Variants in IMMT observed in about 807,000 individuals in gnomAD.
IMMT encodes inner membrane mitochondrial protein, also known as MICOS complex subunit MIC60.
IMMT carries 40 observed loss-of-function variants against 92.7 expected under a neutral mutation model. That is an observed-to-expected ratio of 0.43 (90% CI 0.34 to 0.56). The LOEUF (loss-of-function observed/expected upper bound fraction) is 0.56. Ranked by LOEUF, IMMT falls within the 20% of genes least tolerant of loss-of-function variation. The pLI is 0.03. For synonymous variants in IMMT, 322 were observed against 336.1 expected (o/e 0.96, Z 0.46); for missense variants, 831 against 912.1 (o/e 0.91, Z 1.14).
intron 14 of IMMT, 47 bp from the exon 15 acceptor site, chr2:86,144,928 C>A (rs1340757278): frequency 6.5e-7 from 1 of 1,540,794 alleles, no homozygotes; most frequent in Non-Finnish European, 8.7e-7. Context: ...CTCCATCTGA[C>A]AACATACATC....
chr2:86,179,137 T>C (rs1230705034), intron 3 of IMMT, among the ~76,000 whole-genome samples: 1 of 152,214 alleles, frequency 6.6e-6, no homozygotes, highest in African/African-American at 2.4e-5. Flanking sequence ...TTCTTTCTTG[T>C]CATCATTCCC....
chr2:86,185,116 C>T (rs1286049808), intron 1 of IMMT, among the ~76,000 whole-genome samples: 1 of 151,632 alleles, frequency 6.6e-6, no homozygotes, highest in Non-Finnish European at 1.5e-5. Flanking sequence ...GGAGGCAGAG[C>T]TTGCAGTGAG....
chr2:86,145,494 CAAAAAAAAA>C (rs10554362), intron 14 of IMMT, among the ~76,000 whole-genome samples: 7 of 76,304 alleles, frequency 9.2e-5, no homozygotes, highest in African/African-American at 3.7e-4. Context: ...GACTCTGTCT[CAAAAAAAAA>C]AAAAAAAAAA....
rs780406193 is a variant in IMMT at position 86,144,492 on chromosome 2, T to A, written c.2053A>T (p.Ile685Leu). 8 of 1,614,020 alleles carry A rather than the reference T, an allele frequency of 5.0e-6. No individual in the cohort carries two copies. The highest frequency in any genetic ancestry group is 5.9e-6 in the Non-Finnish European group (7 of 1,179,902). The stretch of plus-strand genomic sequence containing the variant: ...TATGACAGTAATTTAAATGTGTTTA[T>A]ATCCTCAGGGCAGAGCTCTGGGGGC... ...KPPPELCPED[I>L]NTFKLLSYAS... Residue 685 changes from isoleucine to leucine, a missense_variant, in exon 15 of 15, where the codon ATA becomes TTA. Physicochemically the swap from Ile to Leu is conservative, Grantham distance 5. Coordinates refer to ENST00000410111, the MANE Select transcript of IMMT (RefSeq NM_006839.3).
At chr2:86,154,690 C>T (rs1675724569) in intron 10 of IMMT, among the ~76,000 whole-genome samples, 1 of 152,130 alleles carries the variant, frequency 6.6e-6, no homozygotes, top group Non-Finnish European at 1.5e-5. Flanking sequence ...TAAAGAACTA[C>T]AATGGCCTGA....
chr2:86,186,933 G>C (rs116813446), intron 1 of IMMT, among the ~76,000 whole-genome samples: 1 of 152,106 alleles, frequency 6.6e-6, no homozygotes, highest in East Asian at 1.9e-4. Flanking sequence ...TTGGGCCAAT[G>C]GAAGCCTCTG....
Position 86,146,195 on chromosome 2 carries a change from G to A in IMMT, c.1536C>T (p.Asn512=), listed in dbSNP as rs1371546835. ...CTTGTTCAGAGAGTTTCTCAGACAGGTTCTGAAATAAAACAGAAATAGTTC... is the reference window on the plus strand; with the variant it reads ...CTTGTTCAGAGAGTTTCTCAGACAGATTCTGAAATAAAACAGAAATAGTTC... The part of the protein sequence containing the change: ...EQELKSEFEQ[N]LSEKLSEQEL... The change falls in exon 14 of 15, where the codon AAC becomes AAT. Residue 512 remains asparagine, a splice_region_variant and synonymous_variant. Coordinates refer to ENST00000410111, the MANE Select transcript of IMMT (RefSeq NM_006839.3). 6.2e-7 allele frequency: 1 copy of A among 1,602,094 alleles called. No individual in the cohort carries two copies. The highest frequency in any genetic ancestry group is 2.2e-5 in the East Asian group (1 of 44,610).
rs199807976 is a variant in IMMT at position 86,179,551 on chromosome 2, T to C, written c.191A>G (p.Tyr64Cys). The C allele has an allele frequency of 1.2e-6, 2 of 1,613,050 alleles. No homozygotes were observed. Among genetic ancestry groups the C allele is most frequent in the Non-Finnish European group, 1.7e-6 (2 of 1,179,518 alleles). The change falls in exon 3 of 15, where the codon TAT becomes TGT. Residue 64 changes from tyrosine to cysteine, a missense_variant. Tyr to Cys is a radical substitution (Grantham distance 194). Coordinates refer to ENST00000410111, the MANE Select transcript of IMMT (RefSeq NM_006839.3). ...CCGGAAATGGGAATCCCATTTGGCA[T>C]ATAGGATAGTGCCACCAATACCTCC... The part of the protein sequence containing the change: ...VGGGIGGTIL[Y>C]AKWDSHFRES...
intron 11 of IMMT, 53 bp from the exon 12 acceptor site, chr2:86,151,573 A>C: frequency 3.0e-5 from 39 of 1,279,548 alleles, no homozygotes; most frequent in Non-Finnish European, 4.0e-5. Flanking sequence ...ATTATACCTC[A>C]TTACAAGGTA....
intron 7 of IMMT, among the ~76,000 whole-genome samples, chr2:86,165,840 G>C (rs1184768899): frequency 2.0e-5 from 3 of 152,174 alleles, no homozygotes; most frequent in African/African-American, 7.2e-5. Flanking sequence ...TGTGAAGTTT[G>C]AGAAGTATCT....
At chr2:86,157,258 C>T (rs1481712160) in intron 10 of IMMT, among the ~76,000 whole-genome samples, 2 of 152,204 alleles carry the variant, frequency 1.3e-5, no homozygotes, top group Non-Finnish European at 2.9e-5. Flanking sequence ...CCTCCTGAGT[C>T]AACTGCATTC....
rs1187297491 is a variant in IMMT, at chr2:86,178,598, C to T, written c.309+835G>A. On this transcript the variant is annotated intron_variant, in intron 3 of 14. Transcript: ENST00000410111. ...CCGAGATCACATCACTGTGCTCCAGCCTGGGCAACAGAGCAAGACTCCGTC... is the reference window on the plus strand; with the variant it reads ...CCGAGATCACATCACTGTGCTCCAGTCTGGGCAACAGAGCAAGACTCCGTC... Among the ~76,000 whole-genome samples, 5 of 151,946 alleles carry T rather than the reference C, an allele frequency of 3.3e-5. No homozygotes were observed. In the East Asian group the frequency reaches 9.7e-4, roughly 30 times the overall value.
At chr2:86,193,695 C>T (rs1315729781) in intron 1 of IMMT, among the ~76,000 whole-genome samples, 1 of 152,014 alleles carries the variant, frequency 6.6e-6, no homozygotes, top group African/African-American at 2.4e-5. Context: ...TACAAAGAGC[C>T]TCATAAAGCA....
At chr2:86,187,230 C>T (rs1487073932) in intron 1 of IMMT, among the ~76,000 whole-genome samples, 2 of 152,108 alleles carry the variant, frequency 1.3e-5, no homozygotes, top group African/African-American at 4.8e-5. Context: ...CTCTCTGGCC[C>T]CTGGCAACCA....
At chr2:86,157,644 T>C (rs1048845659) in intron 10 of IMMT, among the ~76,000 whole-genome samples, 65 of 151,908 alleles carry the variant, frequency 4.3e-4, no homozygotes, top group Middle Eastern at 3.4e-3. Context: ...AAAAATTGGT[T>C]GGGCGCAGTG....
intron 8 of IMMT, among the ~76,000 whole-genome samples, chr2:86,161,098 A>T (rs937602720): frequency 1.0e-3 from 1 of 994 alleles, no homozygotes; most frequent in African/African-American, 1.0e-3. Flanking sequence ...ACCATGAATT[A>T]AAAAAAAAAA....
chr2:86,147,222 C>G (rs1404145226), intron 13 of IMMT, among the ~76,000 whole-genome samples: 1 of 152,156 alleles, frequency 6.6e-6, no homozygotes, highest in Non-Finnish European at 1.5e-5. Context: ...TACTGACATA[C>G]ATCGCGATTC....
In IMMT at chr2:86,193,577, C is replaced by T. The variant is rs1673323384; in HGVS notation, c.45+1761G>A. On this transcript the variant is annotated intron_variant, in intron 1 of 14. Transcript: ENST00000410111. ...TCAAATTAGAGAGTCTATAAAGAGA[C>T]AGGAAGAGATGAGAAGGTGTATATT... Among the ~76,000 whole-genome samples the T allele has an allele frequency of 2.6e-5, 4 of 151,764 alleles. No individual in the cohort carries two copies. The South Asian group carries it at 8.3e-4, about 31-fold the overall frequency.
intron 1 of IMMT, among the ~76,000 whole-genome samples, chr2:86,186,966 G>A (rs1017660568): frequency 1.3e-5 from 2 of 152,064 alleles, no homozygotes; most frequent in East Asian, 3.8e-4. Flanking sequence ...GTGTATGTGT[G>A]TATCTAGCTC....
Sources: allele counts gnomAD v4.1 joint callset (sites outside exome capture counted in the v4.1 genomes callset), GRCh38; gene constraint gnomAD v4.1.1; transcripts MANE v1.5; gene names NCBI Gene and HGNC (gene_info 2026-07-23, HGNC 2026-07-21).